Variants in INSL6 observed in about 807,000 individuals in gnomAD.
INSL6 encodes insulin like 6.
In INSL6, 16 loss-of-function variants were observed where a neutral mutation model predicts 9.4. The ratio of observed to expected loss-of-function variants is 1.70; its 90% confidence interval spans 1.15 to 2.59. The LOEUF (loss-of-function observed/expected upper bound fraction) is 2.59. Ranked by LOEUF, INSL6 falls within the 30% of genes most tolerant of loss-of-function variation. The probability of loss-of-function intolerance (pLI) is 0.00; values close to 1 mark genes in which losing one functional copy is unlikely to be tolerated. For missense variants in INSL6, 391 were observed against 257.3 expected (o/e 1.52, Z -3.56); for synonymous variants, 154 against 96.9 (o/e 1.59, Z -3.46).
the INSL6 span, among the ~76,000 whole-genome samples, chr9:5,052,706 G>C: frequency 6.6e-6 from 1 of 152,106 alleles, no homozygotes; most frequent in African/African-American, 2.4e-5. Flanking sequence ...GGATTTTCCT[G>C]TCTCAAACAT....
At chr9:5,055,641 T>C in the INSL6 span, 118 of 1,506,238 alleles carry the variant, frequency 7.8e-5, no homozygotes, top group Non-Finnish European at 6.2e-5. Context: ...TTCTACCCGT[T>C]TTTAATTTTA....
chr9:5,100,557 C>A, the INSL6 span: 1 of 152,200 alleles, frequency 6.6e-6, no homozygotes, highest in Non-Finnish European at 1.5e-5. Flanking sequence ...TAGTCTAGCC[C>A]CAATGCCAGA....
chr9:5,132,529 T>C (rs1372671803), intron 3 of INSL6, among the ~76,000 whole-genome samples: 4 of 150,618 alleles, frequency 2.7e-5, no homozygotes, highest in African/African-American at 1.0e-4. Flanking sequence ...ATCAGATTCT[T>C]AGTAAAACAT....
the INSL6 span, among the ~76,000 whole-genome samples, chr9:5,021,246 C>T: frequency 6.6e-6 from 1 of 152,180 alleles, no homozygotes; most frequent in Non-Finnish European, 1.5e-5. Flanking sequence ...CTTAGATGAC[C>T]TATTCAAAGT....
intron 2 of INSL6, among the ~76,000 whole-genome samples, chr9:5,140,534 G>A (rs1824476533): frequency 1.3e-5 from 2 of 151,856 alleles, no homozygotes; most frequent in African/African-American, 2.4e-5. Flanking sequence ...TCTCTCATTA[G>A]TCTTGCACAT....
chr9:5,167,465 T>C (rs1290750929), intron 1 of INSL6, among the ~76,000 whole-genome samples: 2 of 152,198 alleles, frequency 1.3e-5, no homozygotes, highest in African/African-American at 4.8e-5. Flanking sequence ...TGGGGAGCAA[T>C]TCCCCCACAG....
intron 1 of INSL6, among the ~76,000 whole-genome samples, chr9:5,168,761 G>A (rs1825114538): frequency 6.6e-6 from 1 of 151,726 alleles, no homozygotes; most frequent in South Asian, 2.1e-4. Flanking sequence ...GAGAAGATCA[G>A]CCCAATGACA....
At chr9:5,041,981 T>A in the INSL6 span, 1 of 366,318 alleles carries the variant, frequency 2.7e-6, no homozygotes, top group Non-Finnish European at 5.3e-6. Flanking sequence ...GGAGCGAGCT[T>A]GTGTGAGGGC....
chr9:5,069,926 TAAATC>T, the INSL6 span: 1 of 1,587,290 alleles, frequency 6.3e-7, no homozygotes, highest in Non-Finnish European at 8.6e-7. Context: ...TTTTTTCAGA[TAAATC>T]AAACCTTCTA....
At chr9:5,007,155 T>G in the INSL6 span, among the ~76,000 whole-genome samples, 1 of 152,274 alleles carries the variant, frequency 6.6e-6, no homozygotes. Context: ...TTTTATGGTT[T>G]TTGGCTTAAT....
intron 1 of INSL6, among the ~76,000 whole-genome samples, chr9:5,182,241 G>C (rs1056948445): frequency 2.0e-5 from 3 of 152,024 alleles, no homozygotes; most frequent in South Asian, 2.1e-4. Context: ...AGAAGCAATG[G>C]ACTAAATGTT....
At chr9:5,113,423 TTAA>T in the INSL6 span, 1 of 82,444 alleles carries the variant, frequency 1.2e-5, no homozygotes, top group Non-Finnish European at 2.3e-5. Flanking sequence ...CATTAGTTAT[TTAA>T]AAAAAAAAAA....
At chr9:5,156,534 C>G (rs1484793567) in intron 2 of INSL6, among the ~76,000 whole-genome samples, 12 of 152,054 alleles carry the variant, frequency 7.9e-5, no homozygotes. Context: ...TCAACACCTA[C>G]TCATGATTAA....
At chr9:5,070,727 C>G in the INSL6 span, among the ~76,000 whole-genome samples, 4 of 151,952 alleles carry the variant, frequency 2.6e-5, no homozygotes, top group Non-Finnish European at 4.4e-5. Flanking sequence ...TGAAAAAAAC[C>G]CACATATAAA....
chr9:5,010,885 A>T, the INSL6 span, among the ~76,000 whole-genome samples: 1 of 152,052 alleles, frequency 6.6e-6, no homozygotes. Flanking sequence ...CAGATCCAGT[A>T]GTATGAGAAT....
At chr9:5,068,270 A>G in the INSL6 span, among the ~76,000 whole-genome samples, 4 of 152,222 alleles carry the variant, frequency 2.6e-5, no homozygotes, top group South Asian at 8.3e-4. Context: ...TCTGAGTAGA[A>G]TGAATATGTT....
At chr9:5,053,329 T>C in the INSL6 span, among the ~76,000 whole-genome samples, 1 of 152,104 alleles carries the variant, frequency 6.6e-6, no homozygotes, top group Non-Finnish European at 1.5e-5. Context: ...GTTATTTGTC[T>C]TTTAATTATT....
chr9:5,018,029 T>G, the INSL6 span, among the ~76,000 whole-genome samples: 12 of 152,310 alleles, frequency 7.9e-5, no homozygotes, highest in South Asian at 8.3e-4. Context: ...TGTAGTTGGG[T>G]CATGTTTTTT....
the INSL6 span, among the ~76,000 whole-genome samples, chr9:5,039,717 A>T: frequency 6.6e-6 from 1 of 152,184 alleles, no homozygotes; most frequent in South Asian, 2.1e-4. Context: ...AAATGAAATT[A>T]AAAAAATTTC....
Sources: gnomAD v4.1 joint callset for allele counts (sites outside exome capture counted in the v4.1 genomes callset) on GRCh38, gnomAD v4.1.1 for gene constraint, MANE v1.5 for transcripts, NCBI Gene and HGNC (gene_info 2026-07-23, HGNC 2026-07-21) for gene names.